The following NEDD9 variants were observed in gnomAD, a reference collection of about 807,000 sequenced individuals.
NEDD9 encodes enhancer of filamentation 1.
NEDD9 carries 26 observed loss-of-function variants against 76.6 expected under a neutral mutation model. That is an observed-to-expected ratio of 0.34 (90% CI 0.25 to 0.47). The LOEUF (loss-of-function observed/expected upper bound fraction) is 0.47, where lower values mean the gene tolerates loss of function less well. Among genes scored for constraint, NEDD9 ranks in the 20% least tolerant of loss-of-function variants. NEDD9 has a pLI of 1.00. For missense variants in NEDD9, 937 were observed against 1,058.5 expected (o/e 0.89, Z 1.59); for synonymous variants, 392 against 414.2 (o/e 0.95, Z 0.65).
At chr6:11,214,451 C>T (rs920564231) in intron 1 of NEDD9, among the ~76,000 whole-genome samples, 6 of 152,218 alleles carry the variant, frequency 3.9e-5, no homozygotes, top group African/African-American at 1.4e-4. Flanking sequence ...TCCTGAGGGC[C>T]CCTCCTCGCC....
At chr6:11,377,412 G>A (rs1477427798) in intron 1 of NEDD9, among the ~76,000 whole-genome samples, 1 of 152,250 alleles carries the variant, frequency 6.6e-6, no homozygotes, top group East Asian at 1.9e-4. Context: ...GGAGTCCACT[G>A]TTATAACAGT....
chr6:11,366,270 A>AGAAGGAAGGAAGGAAGGAAGGAAG (rs753253031), intron 1 of NEDD9, among the ~76,000 whole-genome samples: 40 of 132,508 alleles, frequency 3.0e-4, no homozygotes, highest in African/African-American at 1.1e-3. Flanking sequence ...AGTCTGAGAA[A>AGAAGGAAGGAAGGAAGGAAGGAAG]GAAGGAAGGA....
intron 3 of NEDD9, among the ~76,000 whole-genome samples, chr6:11,284,604 T>G (rs1358452371): frequency 2.6e-5 from 4 of 151,256 alleles, no homozygotes; most frequent in African/African-American, 9.7e-5. Context: ...CAAACAGACC[T>G]ACTTCTAGCA....
At chr6:11,281,262 T>C (rs1031405762) in intron 3 of NEDD9, among the ~76,000 whole-genome samples, 1 of 152,200 alleles carries the variant, frequency 6.6e-6, no homozygotes, top group Admixed American at 6.5e-5. Context: ...GCCATGTCCT[T>C]TGAGAGGCCC....
At position 11,190,067 on chromosome 6, in the gene NEDD9, T is replaced by G. The variant is rs1197373350; in HGVS notation, c.1802A>C (p.Lys601Thr). The change falls in exon 5 of 7, where the codon AAG (lysine) becomes ACG (threonine). Residue 601 changes from lysine to threonine, a missense_variant. Transcript: ENST00000379446. This position sits in a 1 kb window ranked among gnomAD's most constrained non-coding sequence, Gnocchi z 5.8. ...PGDHKAQAHN[K>T]ALPPGLSKEQ... ...CTTGCTCAGGCCTGGGGGCAGTGCC[T>G]TGTTGTGGGCCTGGGCCTTGTGGTC... is the stretch of plus-strand genomic sequence containing the variant. The G allele has an allele frequency of 6.3e-7, 1 of 1,599,432 alleles. No homozygotes were observed. Among genetic ancestry groups the G allele is most frequent in the African/African-American group, 1.3e-5 (1 of 74,712 alleles).
chr6:11,351,373 G>A (rs544545215), intron 1 of NEDD9, among the ~76,000 whole-genome samples: 57 of 152,214 alleles, frequency 3.7e-4, no homozygotes, highest in Non-Finnish European at 7.5e-4. Flanking sequence ...GCTTCATGGA[G>A]CTGGGGCTTC....
chr6:11,319,689 C>A (rs1005916046), intron 2 of NEDD9, among the ~76,000 whole-genome samples: 8 of 115,014 alleles, frequency 7.0e-5, no homozygotes, highest in African/African-American at 1.4e-4. Context: ...CAAACATGGA[C>A]ACTCACACAA....
At position 11,190,998 on chromosome 6, in the gene NEDD9, C is replaced by T. The variant is rs369820835; in HGVS notation, c.871G>A (p.Ala291Thr). ...CDIPGAAEPV[A>T]RRHQSLSPNH... ...GGGGACAGGCTCTGGTGCCTTCGAG[C>T]CACCGGTTCTGCAGCTCCTGGAATG... The change falls in exon 5 of 7, where the codon GCT (alanine) becomes ACT (threonine). Residue 291 changes from alanine to threonine, a missense_variant. By Grantham distance (58) the Ala-to-Thr change is moderately conservative. Transcript: ENST00000379446. The surrounding 1 kb of genome is among the most constrained non-coding windows in gnomAD (Gnocchi z 5.8). 48 of 1,613,844 alleles carry T rather than the reference C, an allele frequency of 3.0e-5. No homozygotes were observed. Among genetic ancestry groups the T allele is most frequent in the Non-Finnish European group, 3.9e-5 (46 of 1,180,010 alleles).
intron 3 of NEDD9, among the ~76,000 whole-genome samples, chr6:11,246,340 C>A (rs1471150262): frequency 1.3e-5 from 2 of 152,188 alleles, no homozygotes; most frequent in East Asian, 1.9e-4. Flanking sequence ...TCTCATCCTC[C>A]CTGACAGGCT....
intron 3 of NEDD9, among the ~76,000 whole-genome samples, chr6:11,261,518 T>C (rs1760113966): frequency 6.6e-6 from 1 of 152,242 alleles, no homozygotes; most frequent in African/African-American, 2.4e-5. Context: ...CAACATAAAT[T>C]GAGCTCTTTG....
intron 1 of NEDD9, among the ~76,000 whole-genome samples, chr6:11,376,087 G>A (rs1232705247): frequency 1.3e-5 from 2 of 152,210 alleles, no homozygotes; most frequent in Non-Finnish European, 2.9e-5. Flanking sequence ...GCCTCCCAAA[G>A]TGCTGGGATT....
chr6:11,306,204 T>C (rs1196264097), intron 2 of NEDD9: 41 of 629,754 alleles, frequency 6.5e-5, no homozygotes, highest in Non-Finnish European at 3.1e-5. Flanking sequence ...CTGAAAAAAA[T>C]TGAGATGCTT....
At chr6:11,330,363 A>G (rs1298024164) in intron 2 of NEDD9, among the ~76,000 whole-genome samples, 4 of 152,156 alleles carry the variant, frequency 2.6e-5, no homozygotes, top group Non-Finnish European at 5.9e-5. Flanking sequence ...TAATATGACT[A>G]ACGGATCTGA....
exon 3 of NEDD9, chr6:11,306,058 T>C (rs766974044): frequency 3.7e-6 from 6 of 1,610,398 alleles, no homozygotes; most frequent in Non-Finnish European, 5.1e-6. Context: ...TTCCGGCGTT[T>C]TACTCTTCTG....
intron 2 of NEDD9, among the ~76,000 whole-genome samples, chr6:11,315,673 G>C (rs1482879406): frequency 6.6e-6 from 1 of 152,092 alleles, no homozygotes; most frequent in African/African-American, 2.4e-5. Context: ...TCACTGGAGG[G>C]GATTGGCTTA....
intron 3 of NEDD9, among the ~76,000 whole-genome samples, chr6:11,248,658 C>T (rs1336993698): frequency 4.6e-5 from 7 of 152,298 alleles, no homozygotes; most frequent in East Asian, 1.9e-4. Flanking sequence ...TAGAAGGCAT[C>T]GGAGCCTTTG....
chr6:11,194,138 G>A (rs1235671946), intron 2 of NEDD9, among the ~76,000 whole-genome samples: 2 of 152,106 alleles, frequency 1.3e-5, no homozygotes, highest in Non-Finnish European at 2.9e-5. Context: ...TTACAGGTGT[G>A]AGCCACTGCA....
intron 1 of NEDD9, among the ~76,000 whole-genome samples, chr6:11,377,961 G>A (rs557925082): frequency 6.6e-6 from 1 of 152,256 alleles, no homozygotes; most frequent in South Asian, 2.1e-4. Context: ...TGGTTGTTTA[G>A]GCCAGGCGCA....
chr6:11,229,325 G>T (rs953485506), intron 1 of NEDD9, among the ~76,000 whole-genome samples: 1 of 152,228 alleles, frequency 6.6e-6, no homozygotes, highest in Non-Finnish European at 1.5e-5. Flanking sequence ...CCACAAAAGC[G>T]TCTCTGCTCA....
Sources: gnomAD v4.1 joint callset for allele counts (sites outside exome capture counted in the v4.1 genomes callset) on GRCh38, gnomAD v4.1.1 for gene constraint, Gnocchi (gnomAD v3.1) non-coding constraint, MANE v1.5 for transcripts, NCBI Gene and HGNC (gene_info 2026-07-23, HGNC 2026-07-21) for gene names.